TFDP2: variants seen among roughly 807,000 people sequenced by gnomAD.
TFDP2 encodes the protein transcription factor Dp-2 (E2F dimerization partner 2).
In TFDP2, 17 loss-of-function variants were observed where a neutral mutation model predicts 59.3. The observed-to-expected ratio is 0.29, with a 90% CI of 0.20 to 0.43. The LOEUF (loss-of-function observed/expected upper bound fraction) is 0.43. TFDP2 is among the 20% of genes least tolerant of loss of function. The probability of loss-of-function intolerance (pLI) is 1.00; values close to 1 mark genes in which losing one functional copy is unlikely to be tolerated. For missense variants in TFDP2, 391 were observed against 528.8 expected, an observed-to-expected ratio of 0.74 and a Z score of 2.56; for synonymous variants, 180 against 194.7, an observed-to-expected ratio of 0.92 and a Z score of 0.63.
intron 10 of TFDP2, among the ~76,000 whole-genome samples, chr3:141,963,487 C>G (rs1222656911): frequency 6.6e-6 from 1 of 152,170 alleles, no homozygotes; most frequent in African/African-American, 2.4e-5. Context: ...GTCCCAGACC[C>G]ACAGTGCTGG....
chr3:141,962,747 AG>A (rs1284478866), intron 10 of TFDP2, among the ~76,000 whole-genome samples: 1 of 152,252 alleles, frequency 6.6e-6, no homozygotes, highest in African/African-American at 2.4e-5. Flanking sequence ...CAAGAGCGCC[AG>A]GAAGAAGAGT....
chr3:142,011,631 G>A (rs1485081820), intron 3 of TFDP2, among the ~76,000 whole-genome samples: 5 of 137,108 alleles, frequency 3.6e-5, no homozygotes, highest in Admixed American at 1.4e-4. Context: ...AGGAAAACAA[G>A]GAAAAAAAAA....
intron 3 of TFDP2, among the ~76,000 whole-genome samples, chr3:142,074,134 G>A (rs997498488): frequency 1.3e-5 from 2 of 152,228 alleles, no homozygotes; most frequent in Admixed American, 6.5e-5. Flanking sequence ...TAGGCCAGGT[G>A]CAGTGGCTCA....
At chr3:142,039,567 A>C (rs148034216) in intron 3 of TFDP2, among the ~76,000 whole-genome samples, 93 of 152,260 alleles carry the variant, frequency 6.1e-4, no homozygotes, top group African/African-American at 2.2e-3. Flanking sequence ...GGAGAGCAGG[A>C]GAGAATCCTC....
intron 1 of TFDP2, 119 bp downstream of exon 1, chr3:142,149,064 G>A: frequency 5.1e-6 from 2 of 393,832 alleles, no homozygotes; most frequent in Non-Finnish European, 8.9e-6. Context: ...TAAACAGATG[G>A]GACTCGTGGG....
At chr3:142,148,539 A>T (rs759576752) in intron 1 of TFDP2, among the ~76,000 whole-genome samples, 1 of 151,730 alleles carries the variant, frequency 6.6e-6, no homozygotes, top group Non-Finnish European at 1.5e-5. Context: ...TTTACAGATG[A>T]AGAAACCGAG....
At chr3:142,104,315 C>T (rs1560147904) in intron 1 of TFDP2, among the ~76,000 whole-genome samples, 3 of 152,218 alleles carry the variant, frequency 2.0e-5, no homozygotes, top group Admixed American at 2.0e-4. Flanking sequence ...CAACAGACTA[C>T]CTGGCATATT....
At position 141,950,934 on chromosome 3, in the gene TFDP2, G is replaced by T. The variant is rs1935876721; in HGVS notation, c.*1579C>A. ...TTGTATCAAAGGAGCTTCAGCTAAA[G>T]TTGAATGTTTTTCTTTCTCAGTTTT... On this transcript the variant is annotated 3_prime_UTR_variant, in exon 13 of 13. Transcript: ENST00000489671. 1 of 152,220 alleles carries T rather than the reference G, an allele frequency of 6.6e-6. No individual in the cohort carries two copies. The highest frequency in any genetic ancestry group is 6.5e-5 in the Admixed American group (1 of 15,276). The allele number at this position is 152,220 out of a possible 1,614,324, so 9.4% of individuals were successfully genotyped here.
At chr3:142,030,741 C>CTT (rs56836983) in intron 3 of TFDP2, among the ~76,000 whole-genome samples, 5,952 of 121,722 alleles carry the variant, frequency 0.049, 602 homozygotes, top group African/African-American at 0.16. Flanking sequence ...CCCGTGTTCT[C>CTT]TTTTTTTTTT....
At chr3:141,997,362 T>C (rs746919157) in intron 4 of TFDP2, among the ~76,000 whole-genome samples, 25 of 152,176 alleles carry the variant, frequency 1.6e-4, no homozygotes, top group Non-Finnish European at 3.1e-4. Context: ...TGACCTTGGA[T>C]GGACAACTTA....
intron 1 of TFDP2, among the ~76,000 whole-genome samples, chr3:142,112,392 T>C (rs1353125380): frequency 6.6e-6 from 1 of 152,206 alleles, no homozygotes; most frequent in Non-Finnish European, 1.5e-5. Flanking sequence ...AACGCAGCTT[T>C]CACAAAACCA....
chr3:142,073,411 A>C (rs1333843816), intron 3 of TFDP2, among the ~76,000 whole-genome samples: 1 of 151,698 alleles, frequency 6.6e-6, no homozygotes, highest in African/African-American at 2.4e-5. Context: ...TAAGAAAAAC[A>C]AAAGAAAGAT....
chr3:142,035,534 G>A (rs966875993), intron 3 of TFDP2, among the ~76,000 whole-genome samples: 7 of 152,126 alleles, frequency 4.6e-5, no homozygotes, highest in East Asian at 1.9e-4. Context: ...ATGAGAAAAC[G>A]TAGGCTTACT....
At position 141,969,065 on chromosome 3, in the gene TFDP2, C is replaced by CT. The variant is rs1491391266; in HGVS notation, c.732+1007_732+1008insA. On this transcript the variant is annotated intron_variant, in intron 9 of 12. Coordinates refer to ENST00000489671, the MANE Select transcript of TFDP2 (RefSeq NM_001178139.2). ...AGATATATATATAACATATATATCTCATATATATGAGATATATATATATAA... is the reference window on the plus strand; with the variant it reads ...AGATATATATATAACATATATATCTCTATATATATGAGATATATATATATAA... Among the ~76,000 whole-genome samples the CT allele has an allele frequency of 2.1e-3, 143 of 67,506 alleles. 18 individuals carry two copies. In the East Asian group the frequency reaches 0.029, roughly 14 times the overall value. The allele number at this position is 67,506 out of a possible 152,430, so 44.3% of individuals were successfully genotyped here. A position where few individuals can be genotyped will look rare whatever the true frequency, so the allele number is the denominator to read the frequency against.
chr3:142,115,393 A>G (rs528283125), intron 1 of TFDP2, among the ~76,000 whole-genome samples: 5 of 143,026 alleles, frequency 3.5e-5, no homozygotes, highest in Admixed American at 3.0e-4. Flanking sequence ...ATCTCGGCTC[A>G]CTGCAAGCTC....
At chr3:142,039,643 C>T (rs1946860643) in intron 3 of TFDP2, among the ~76,000 whole-genome samples, 1 of 152,130 alleles carries the variant, frequency 6.6e-6, no homozygotes, top group Non-Finnish European at 1.5e-5. Flanking sequence ...GATTAAGTAC[C>T]ACCCCTGGGG....
Position 141,952,452 on chromosome 3 carries a change from A to C in TFDP2, c.*61T>G. The C allele has an allele frequency of 7.0e-7, 1 of 1,431,074 alleles. No homozygotes were observed. Among genetic ancestry groups the C allele is most frequent in the Non-Finnish European group, 9.2e-7 (1 of 1,084,200 alleles). 88.6% of individuals were successfully genotyped at this position (1,431,074 alleles called of 1,614,324 possible). A position where few individuals can be genotyped will look rare whatever the true frequency, so the allele number is the denominator to read the frequency against. ...GACTGAAGCAATCATTTCAAAAACA[A>C]GAGCTCACACTACAAACACACATGA... On this transcript the variant is annotated 3_prime_UTR_variant, in exon 13 of 13. Coordinates refer to ENST00000489671, the MANE Select transcript of TFDP2 (RefSeq NM_001178139.2).
At chr3:142,057,165 T>C (rs1238654113) in intron 3 of TFDP2, among the ~76,000 whole-genome samples, 1 of 152,210 alleles carries the variant, frequency 6.6e-6, no homozygotes, top group Admixed American at 6.5e-5. Context: ...CAGTCATTTG[T>C]GCCTCCCACC....
intron 5 of TFDP2, chr3:141,994,299 G>A (rs1448173676): frequency 1.3e-5 from 2 of 152,108 alleles, no homozygotes; most frequent in Admixed American, 6.5e-5. Context: ...CTTACCATCT[G>A]CTTGCTCAAA....
Sources: gnomAD v4.1 joint callset for allele counts (sites outside exome capture counted in the v4.1 genomes callset) on GRCh38, gnomAD v4.1.1 for gene constraint, MANE v1.5 for transcripts, NCBI Gene and HGNC (gene_info 2026-07-23, HGNC 2026-07-21) for gene names.